Variants in SVEP1 observed in about 807,000 individuals in gnomAD.
SVEP1 encodes the protein sushi, von Willebrand factor type A, EGF and pentraxin domain-containing protein 1.
In SVEP1, 164 loss-of-function variants were observed where a neutral mutation model predicts 367.3. That is an observed-to-expected ratio of 0.45 (90% CI 0.39 to 0.51). The LOEUF (loss-of-function observed/expected upper bound fraction) is 0.51. Ranked by LOEUF, SVEP1 falls within the 20% of genes least tolerant of loss-of-function variation. SVEP1 has a pLI of 0.00. For synonymous variants in SVEP1, 1,666 were observed against 1,611.6 expected (o/e 1.03, Z -0.81); for missense variants, 4,117 against 4,425.3 (o/e 0.93, Z 1.98).
rs563877140 is a variant in SVEP1 at position 110,407,159 on chromosome 9, G to A, written c.8441C>T (p.Thr2814Ile). The A allele has an allele frequency of 6.2e-6, 10 of 1,614,014 alleles. No homozygotes were observed. The East Asian group carries it at 8.9e-5, about 14-fold the overall frequency. Residue 2814 changes from threonine (T) to isoleucine (I), a missense_variant, in exon 38 of 48, where the codon ACA becomes ATA. This residue lies in a region of SVEP1 where 1,765 missense variants were observed against 1,781.1 expected (regional missense o/e 0.99). Transcript: ENST00000374469. ...ATCCCAGTTTTTGTCATCCTGGCAT[G>A]TTCTCCTCTCAGTGCCATTCAGCAC... ...GYVLNGTERRTCQDDKNWDED... is the reference protein window; with the variant it reads ...GYVLNGTERRICQDDKNWDED...
rs993527929 is a variant in SVEP1, at chr9:110,375,490, A to G, written c.10505-27T>C. The stretch of plus-strand genomic sequence containing the variant: ...TAAAAAAAAAAAAAAAAAAAAAAAA[A>G]GGAGGCAGGGGGGATTGAAATGGCG... On this transcript the variant is annotated intron_variant, in intron 45 of 47. Coordinates refer to ENST00000374469, the MANE Select transcript of SVEP1 (RefSeq NM_153366.4). 81 of 1,338,792 alleles carry G rather than the reference A, an allele frequency of 6.1e-5. 1 individual carries two copies. In the African/African-American group the frequency reaches 1.0e-3, roughly 17 times the overall value. 82.9% of individuals were successfully genotyped at this position (1,338,792 alleles called of 1,614,324 possible). A position where few individuals can be genotyped will look rare whatever the true frequency, so the allele number is the denominator to read the frequency against.
At chr9:110,425,642 C>T (rs543877586) in intron 36 of SVEP1, among the ~76,000 whole-genome samples, 1 of 152,134 alleles carries the variant, frequency 6.6e-6, no homozygotes, top group East Asian at 1.9e-4. Context: ...ATTTTTTAAT[C>T]GTTTTCATAA....
rs1827984143 is a variant in SVEP1 at position 110,408,107 on chromosome 9, C to T, written c.7493G>A (p.Cys2498Tyr). 1 of 1,613,732 alleles carries T rather than the reference C, an allele frequency of 6.2e-7. No individual in the cohort carries two copies. The highest frequency in any genetic ancestry group is 8.5e-7 in the Non-Finnish European group (1 of 1,179,836). Residue 2498 changes from cysteine to tyrosine, a missense_variant, in exon 38 of 48, where the codon TGC becomes TAC. Cys to Tyr is a radical substitution (Grantham distance 194). Around this residue, in one of 4 missense-constraint regions of SVEP1, gnomAD observed 1,765 missense variants for 1,781.1 expected, o/e 0.99. Transcript: ENST00000374469. ...ATTCAAAATCTCCTTGGGTTTCAGG[C>T]ACTCAATGGCTTTACATGTTGGTTT... Reference protein sequence around the residue: ...GGKPTCKAIECLKPKEILNGK... With the variant: ...GGKPTCKAIEYLKPKEILNGK...
At chr9:110,519,274 C>T (rs943695132) in intron 3 of SVEP1, among the ~76,000 whole-genome samples, 1 of 152,114 alleles carries the variant, frequency 6.6e-6, no homozygotes, top group African/African-American at 2.4e-5. Context: ...GTCTCCAACC[C>T]TTCATTTTCT....
chr9:110,391,052 CCATAA>C (rs1329314014), intron 40 of SVEP1, among the ~76,000 whole-genome samples: 1 of 152,038 alleles, frequency 6.6e-6, no homozygotes, highest in Non-Finnish European at 1.5e-5. Context: ...AAAATTATAA[CCATAA>C]CATTATCACA....
chr9:110,556,801 T>C (rs899026822), intron 1 of SVEP1, among the ~76,000 whole-genome samples: 2 of 152,146 alleles, frequency 1.3e-5, no homozygotes, highest in African/African-American at 4.8e-5. Flanking sequence ...AACGTTATCT[T>C]TTAAAGAACT....
rs978346088 is a variant in SVEP1 at position 110,390,426 on chromosome 9, G to A, written c.9823-839C>T. Among the ~76,000 whole-genome samples the A allele has an allele frequency of 6.9e-5, 9 of 131,102 alleles. No individual in the cohort carries two copies. The East Asian group carries it at 1.0e-3, about 15-fold the overall frequency. 86.0% of individuals were successfully genotyped at this position (131,102 alleles called of 152,430 possible). On this transcript the variant is annotated intron_variant, in intron 40 of 47. Transcript: ENST00000374469. The stretch of plus-strand genomic sequence containing the variant: ...CATTTTCTTTATCCATTCATCCATC[G>A]ATGACACCCAACACTTAGGTTGACT...
intron 6 of SVEP1, among the ~76,000 whole-genome samples, chr9:110,499,451 CAT>C: frequency 6.6e-6 from 1 of 152,304 alleles, no homozygotes; most frequent in South Asian, 2.1e-4. Flanking sequence ...GCCAGTGCAT[CAT>C]CAAAACTTTC....
chr9:110,442,227 T>C (rs1331065839), intron 27 of SVEP1, among the ~76,000 whole-genome samples: 2 of 152,164 alleles, frequency 1.3e-5, no homozygotes, highest in African/African-American at 2.4e-5. Context: ...TTTAGTGTGA[T>C]TATGTGATGA....
chr9:110,395,579 C>T (rs1827745126), intron 40 of SVEP1, among the ~76,000 whole-genome samples: 1 of 152,054 alleles, frequency 6.6e-6, no homozygotes, highest in South Asian at 2.1e-4. Flanking sequence ...AGAGTCAAGA[C>T]CCATCAGTGT....
chr9:110,538,064 G>T (rs1830100897), intron 3 of SVEP1, among the ~76,000 whole-genome samples: 1 of 151,876 alleles, frequency 6.6e-6, no homozygotes, highest in South Asian at 2.1e-4. Context: ...TATATTTTTT[G>T]AGTATTTCTA....
chr9:110,372,025 T>G (rs975494203), intron 46 of SVEP1, among the ~76,000 whole-genome samples: 2 of 152,220 alleles, frequency 1.3e-5, no homozygotes, highest in African/African-American at 4.8e-5. Context: ...GCATGTGATG[T>G]GTTTCCTGAT....
chr9:110,417,336 A>G (rs1202921612), intron 36 of SVEP1, among the ~76,000 whole-genome samples: 1 of 115,896 alleles, frequency 8.6e-6, no homozygotes, highest in African/African-American at 3.4e-5. Context: ...TCCCTTTCCC[A>G]GTCAAAGAAA....
chr9:110,406,825 A>C lies in SVEP1; in HGVS notation c.8775T>G (p.Gly2925=). The change falls in exon 38 of 48, where the codon GGT becomes GGG. Residue 2925 remains glycine (G), a synonymous_variant. Coordinates refer to ENST00000374469, the MANE Select transcript of SVEP1 (RefSeq NM_153366.4). Reference sequence around the variant, plus strand: ...CTGACTGACAGGTGAGTTTTGGAGCACCGTGCAAGATGTAGCCCTCGTGAC... The same window carrying C: ...CTGACTGACAGGTGAGTTTTGGAGCCCCGTGCAAGATGTAGCCCTCGTGAC... ...FHCHEGYILH[G]APKLTCQSDG... 4 of 1,613,988 alleles carry C rather than the reference A, an allele frequency of 2.5e-6. No individual in the cohort carries two copies. The highest frequency in any genetic ancestry group is 3.4e-6 in the Non-Finnish European group (4 of 1,179,894).
At position 110,429,268 on chromosome 9, in the gene SVEP1, A is replaced by ACTC. The variant is rs1194032851; in HGVS notation, c.5679_5681dup (p.Trp1893_Ser1894insArg). 1 of 1,596,394 alleles carries ACTC rather than the reference A, an allele frequency of 6.3e-7. No homozygotes were observed. Among genetic ancestry groups the ACTC allele is most frequent in the Admixed American group, 1.7e-5 (1 of 57,486 alleles). On this transcript the variant is annotated inframe_insertion, in exon 35 of 48. Coordinates refer to ENST00000374469, the MANE Select transcript of SVEP1 (RefSeq NM_153366.4). Reference sequence around the variant, plus strand: ...CTGGTTCACACACAGGAGGGGAATGACTCCAAGAACTGTTAGCAAGACAGG... The same window carrying ACTC: ...CTGGTTCACACACAGGAGGGGAATGACTCCTCCAAGAACTGTTAGCAAGACAGG...
chr9:110,475,642 C>T (rs1203895905), intron 14 of SVEP1, among the ~76,000 whole-genome samples: 2 of 151,402 alleles, frequency 1.3e-5, no homozygotes, highest in African/African-American at 4.9e-5. Flanking sequence ...CTCAAGGGAT[C>T]CTCCCACCTC....
intron 1 of SVEP1, among the ~76,000 whole-genome samples, chr9:110,555,419 G>A (rs925100720): frequency 2.6e-5 from 4 of 152,246 alleles, no homozygotes; most frequent in South Asian, 2.1e-4. Context: ...GTACATGCAC[G>A]TGTGTATGTT....
intron 40 of SVEP1, among the ~76,000 whole-genome samples, chr9:110,391,270 T>C (rs955401512): frequency 9.6e-6 from 1 of 104,626 alleles, no homozygotes; most frequent in Admixed American, 1.2e-4. Context: ...TTACTTTTTG[T>C]CTTTTTTTTT....
Position 110,381,137 on chromosome 9 carries a change from C to CT in SVEP1, c.10238-1621dup, listed in dbSNP as rs559632211. Among the ~76,000 whole-genome samples the CT allele has an allele frequency of 9.2e-5, 14 of 151,684 alleles. No homozygotes were observed. The East Asian group carries it at 2.3e-3, about 25-fold the overall frequency. On this transcript the variant is annotated intron_variant, in intron 43 of 47. Transcript: ENST00000374469. ...AATTAGCTAGTGGTCTATTTTATTA[C>CT]TTTTTTCAGAAAAACAGCTCCTTGA...
Sources: gnomAD v4.1 joint callset for allele counts (sites outside exome capture counted in the v4.1 genomes callset) on GRCh38, gnomAD v4.1.1 for gene constraint, gnomAD v4.1.1 regional missense constraint, MANE v1.5 for transcripts, NCBI Gene and HGNC (gene_info 2026-07-23, HGNC 2026-07-21) for gene names.